The following SLC2A11 variants were observed in gnomAD, a reference collection of about 807,000 sequenced individuals.
SLC2A11 encodes solute carrier family 2 member 11, also known as solute carrier family 2, facilitated glucose transporter member 11.
In SLC2A11, 43 loss-of-function variants were observed where a neutral mutation model predicts 52.1. The observed-to-expected ratio is 0.82, with a 90% CI of 0.65 to 1.06. The LOEUF (loss-of-function observed/expected upper bound fraction) is 1.06, where lower values mean the gene tolerates loss of function less well. Among genes scored for constraint, SLC2A11 ranks in the 50% least tolerant of loss-of-function variants. The pLI is 0.00. For synonymous variants in SLC2A11, 261 were observed against 277.6 expected, an observed-to-expected ratio of 0.94 and a Z score of 0.59; for missense variants, 582 against 654.2, an observed-to-expected ratio of 0.89 and a Z score of 1.20.
intron 2 of SLC2A11, chr22:23,867,769 G>A (rs1323462177): frequency 4.3e-6 from 2 of 470,144 alleles, no homozygotes; most frequent in Admixed American, 2.4e-5. Flanking sequence ...AACACATTGA[G>A]GTGCTGGGAA....
intron 3 of SLC2A11, chr22:23,869,180 T>C (rs1368311234): frequency 6.5e-6 from 1 of 153,416 alleles, no homozygotes; most frequent in Non-Finnish European, 1.4e-5. Flanking sequence ...TGAGACCCCA[T>C]CTCTACAAAA....
Position 23,884,924 on chromosome 22 carries a change from T to G in SLC2A11, c.*75T>G. 8.0e-7 allele frequency: 1 copy of G among 1,252,608 alleles called. No individual in the cohort carries two copies. Among genetic ancestry groups the G allele is most frequent in the Non-Finnish European group, 1.1e-6 (1 of 877,316 alleles). 77.6% of individuals were successfully genotyped at this position (1,252,608 alleles called of 1,614,324 possible). A position where few individuals can be genotyped will look rare whatever the true frequency, so the allele number is the denominator to read the frequency against. ...TTCCTGCCAGGGCCCTGGTCCTCAC[T>G]CCCTCCTGCATTCCTCATTTAAGGA... On this transcript the variant is annotated 3_prime_UTR_variant, in exon 12 of 12. Transcript: ENST00000316185. The surrounding 1 kb of genome is among the most constrained non-coding windows in gnomAD (Gnocchi z 4.3).
At chr22:23,882,427 C>A in intron 6 of SLC2A11, 32 bp from the exon 7 acceptor site, 3 of 1,483,628 alleles carry the variant, frequency 2.0e-6, no homozygotes, top group South Asian at 2.6e-5. Context: ...GGCTTGGGGA[C>A]GGGGAGCTCA....
intron 6 of SLC2A11, 83 bp downstream of exon 6, chr22:23,877,952 G>A (rs2032679091): frequency 6.9e-7 from 1 of 1,440,414 alleles, no homozygotes; most frequent in South Asian, 1.4e-5. Context: ...CATTTCATAG[G>A]TTTCATTTAT....
intron 2 of SLC2A11, among the ~76,000 whole-genome samples, chr22:23,864,334 T>C (rs1287916316): frequency 1.3e-5 from 2 of 152,216 alleles, no homozygotes; most frequent in Non-Finnish European, 2.9e-5. Flanking sequence ...ATTTATTTAT[T>C]TTCTGAGACA....
rs201451731 is a variant in SLC2A11, at chr22:23,884,645, G to A, written c.1300-4G>A. ...CAGGTCTTGGGGTCTTTTTTAATCC[G>A]CAGGAGGCCTTGTCCCACTTCCTCT... On this transcript the variant is annotated splice_polypyrimidine_tract_variant and splice_region_variant and intron_variant, in intron 11 of 11. Coordinates refer to ENST00000316185, the MANE Select transcript of SLC2A11 (RefSeq NM_001024939.4). This position sits in a 1 kb window ranked among gnomAD's most constrained non-coding sequence, Gnocchi z 4.3. 20 of 1,610,272 alleles carry A rather than the reference G, an allele frequency of 1.2e-5. No individual in the cohort carries two copies. The highest frequency in any genetic ancestry group is 7.7e-5 in the South Asian group (7 of 90,718).
At chr22:23,868,767 C>A in intron 3 of SLC2A11, 126 bp downstream of exon 3, 1 of 1,140,130 alleles carries the variant, frequency 8.8e-7, no homozygotes, top group Non-Finnish European at 1.2e-6. Context: ...CTCATCCAGC[C>A]TCTTACTCTG....
intron 6 of SLC2A11, among the ~76,000 whole-genome samples, chr22:23,880,217 C>T (rs1314325133): frequency 7.3e-6 from 1 of 137,602 alleles, no homozygotes; most frequent in South Asian, 2.3e-4. Flanking sequence ...TGTGCCAGTG[C>T]ACACTGCACT....
chr22:23,883,805 C>G lies in SLC2A11; in HGVS notation c.1027C>G (p.Leu343Val). 2 of 1,559,864 alleles carry G rather than the reference C, an allele frequency of 1.3e-6. No homozygotes were observed. The highest frequency in any genetic ancestry group is 2.4e-5 in the South Asian group (2 of 83,526). Residue 343 changes from leucine (L) to valine (V), a missense_variant, in exon 9 of 12, where the codon CTG (leucine) becomes GTG (valine). Coordinates refer to ENST00000316185, the MANE Select transcript of SLC2A11 (RefSeq NM_001024939.4). The stretch of plus-strand genomic sequence containing the variant: ...AATCGAGAGGGTGGGTCGGCGCGTG[C>G]TGCTCATCGGTGGGTACAGCCTGAT... ...VVIERVGRRV[L>V]LIGGYSLMTC... is the part of the protein sequence containing the mutation.
At chr22:23,866,814 G>A (rs565032806) in intron 2 of SLC2A11, 3 of 152,536 alleles carry the variant, frequency 2.0e-5, no homozygotes, top group East Asian at 1.9e-4. Flanking sequence ...AGCTACTCAG[G>A]AGGCTGAGGC....
At position 23,884,049 on chromosome 22, in the gene SLC2A11, G is replaced by C. The variant is rs763690454; in HGVS notation, c.1171+25G>C. ...GGTGAGTGGGCCCAAGGGGCTCTGG[G>C]CATCCATCATCACATAGAAGGAGTG... On this transcript the variant is annotated intron_variant, in intron 10 of 11. Transcript: ENST00000316185. The surrounding 1 kb of genome is among the most constrained non-coding windows in gnomAD (Gnocchi z 4.3). 8.7e-6 allele frequency: 14 copies of C among 1,605,880 alleles called. No homozygotes were observed. The highest frequency in any genetic ancestry group is 8.5e-7 in the Non-Finnish European group (1 of 1,177,726).
At chr22:23,864,889 T>C (rs149388658) in intron 2 of SLC2A11, among the ~76,000 whole-genome samples, 9,590 of 146,894 alleles carry the variant, frequency 0.065, 353 homozygotes, top group Middle Eastern at 0.15. Flanking sequence ...AGGCGGATCA[T>C]TTGAGGTCAG....
intron 4 of SLC2A11, among the ~76,000 whole-genome samples, chr22:23,875,534 T>C (rs529248149): frequency 1.5e-4 from 23 of 152,310 alleles, no homozygotes; most frequent in African/African-American, 5.3e-4. Context: ...CTCTAAGCCA[T>C]GAGCTTCCTG....
chr22:23,876,740 G>A (rs2032624403), intron 4 of SLC2A11, among the ~76,000 whole-genome samples: 1 of 152,118 alleles, frequency 6.6e-6, no homozygotes, highest in African/African-American at 2.4e-5. Flanking sequence ...TTCACACTCG[G>A]GTCCCAGTGA....
At position 23,868,467 on chromosome 22, in the gene SLC2A11, A is replaced by C. The variant is rs2032340029; in HGVS notation, c.130-14A>C. 1 of 1,613,522 alleles carries C rather than the reference A, an allele frequency of 6.2e-7. No individual in the cohort carries two copies. Among genetic ancestry groups the C allele is most frequent in the Non-Finnish European group, 8.5e-7 (1 of 1,179,586 alleles). On this transcript the variant is annotated splice_polypyrimidine_tract_variant and intron_variant, in intron 2 of 11. Coordinates refer to ENST00000316185, the MANE Select transcript of SLC2A11 (RefSeq NM_001024939.4). ...CACCATCCCCAGAAGGCTGACTGGC[A>C]TTTCTGTCCACAGCACATTCAGGAA...
chr22:23,882,917 C>A, intron 8 of SLC2A11, 48 bp downstream of exon 8: 1 of 1,512,246 alleles, frequency 6.6e-7, no homozygotes, highest in Non-Finnish European at 9.1e-7. Flanking sequence ...GGGGAGGGAC[C>A]CCCAGGTCCT....
rs1399236595 is a variant in SLC2A11 at position 23,883,882 on chromosome 22, G to A, written c.1095+9G>A. 1.2e-6 allele frequency: 2 copies of A among 1,603,488 alleles called. No individual in the cohort carries two copies. Among genetic ancestry groups the A allele is most frequent in the South Asian group, 1.1e-5 (1 of 89,810 alleles). On this transcript the variant is annotated intron_variant, in intron 9 of 11. Coordinates refer to ENST00000316185, the MANE Select transcript of SLC2A11 (RefSeq NM_001024939.4). Reference sequence around the variant, plus strand: ...TGGCCCTGTGCCTGCAGGTAGCTGGGGTGGATGAGGGCTGGGGGGTCCAGG... The same window carrying A: ...TGGCCCTGTGCCTGCAGGTAGCTGGAGTGGATGAGGGCTGGGGGGTCCAGG...
chr22:23,859,331 C>A (rs2031970416), intron 1 of SLC2A11, among the ~76,000 whole-genome samples: 1 of 152,246 alleles, frequency 6.6e-6, no homozygotes, highest in African/African-American at 2.4e-5. Context: ...TGTCTCCAGA[C>A]CTATGGCAAG....
intron 1 of SLC2A11, among the ~76,000 whole-genome samples, chr22:23,861,080 C>T (rs1414657259): frequency 2.0e-5 from 3 of 151,742 alleles, no homozygotes; most frequent in Admixed American, 2.0e-4. Context: ...CTCCTGACCT[C>T]GTGATCCGCC....
Sources: gnomAD v4.1 joint callset for allele counts (sites outside exome capture counted in the v4.1 genomes callset) on GRCh38, gnomAD v4.1.1 for gene constraint, Gnocchi (gnomAD v3.1) non-coding constraint, MANE v1.5 for transcripts, NCBI Gene and HGNC (gene_info 2026-07-23, HGNC 2026-07-21) for gene names.